The following UNC13C variants were observed in gnomAD, a reference collection of about 807,000 sequenced individuals.
UNC13C encodes protein unc-13 homolog C.
Under a neutral mutation model 245.4 loss-of-function variants are expected in UNC13C, and 174 were observed. The ratio of observed to expected loss-of-function variants is 0.71; its 90% CI spans 0.63 to 0.80. The LOEUF is 0.80. Among genes scored for constraint, UNC13C ranks in the 30% least tolerant of loss-of-function variants. The probability of loss-of-function intolerance (pLI) is 0.00; values close to 1 mark genes in which losing one functional copy is unlikely to be tolerated. For missense variants in UNC13C, 2,829 were observed against 2,602.9 expected, an observed-to-expected ratio of 1.09 and a Z score of -1.89; for synonymous variants, 992 against 895.1, an observed-to-expected ratio of 1.11 and a Z score of -1.93.
chr15:54,481,973 G>T (rs1013019129), intron 19 of UNC13C, among the ~76,000 whole-genome samples: 31 of 152,192 alleles, frequency 2.0e-4, no homozygotes, highest in Non-Finnish European at 4.4e-4. Context: ...CAGGTGTGTG[G>T]CAGCATTGCT....
chr15:54,574,547 C>G (rs79057973), intron 30 of UNC13C, among the ~76,000 whole-genome samples: 5,754 of 152,230 alleles, frequency 0.038, 379 homozygotes, highest in African/African-American at 0.13. Context: ...TGAAACAAGG[C>G]ACAGGATGAT....
In UNC13C at chr15:54,540,557, T is replaced by C. The variant is rs578236177; in HGVS notation, c.5697-6165T>C. 5.9e-5 allele frequency among the ~76,000 whole-genome samples: 9 copies of C among 152,186 alleles called. No individual in the cohort carries two copies. In the South Asian group the frequency reaches 8.3e-4, roughly 14 times the overall value. On this transcript the variant is annotated intron_variant, in intron 26 of 32. Transcript: ENST00000260323. ...ATTTTCTATTATTTAAAATAAACAA[T>C]AGAGGTTTGAAAGTCTTCAAGGTGG...
the UNC13C span, among the ~76,000 whole-genome samples, chr15:53,930,110 A>G: frequency 2.6e-5 from 4 of 152,118 alleles, no homozygotes; most frequent in African/African-American, 9.6e-5. Context: ...GGCCTTTCTC[A>G]CATGTCTGGG....
chr15:53,916,497 A>G, the UNC13C span, among the ~76,000 whole-genome samples: 1 of 152,204 alleles, frequency 6.6e-6, no homozygotes, highest in Non-Finnish European at 1.5e-5. Context: ...AACCAGAGAG[A>G]GAATGGGAAA....
chr15:54,455,296 T>TTG (rs1891455210), intron 19 of UNC13C, among the ~76,000 whole-genome samples: 2 of 146,382 alleles, frequency 1.4e-5, no homozygotes, highest in South Asian at 4.4e-4. Context: ...ATTTTTGCAA[T>TTG]CGCAAATTGT....
intron 18 of UNC13C, among the ~76,000 whole-genome samples, chr15:54,408,284 T>A (rs1482457047): frequency 6.6e-6 from 1 of 151,042 alleles, no homozygotes; most frequent in African/African-American, 2.4e-5. Context: ...TCATTTCATG[T>A]TCTAGTACAC....
chr15:54,424,269 A>G (rs1332012427), intron 19 of UNC13C, among the ~76,000 whole-genome samples: 1 of 151,904 alleles, frequency 6.6e-6, no homozygotes, highest in Non-Finnish European at 1.5e-5. Flanking sequence ...CTTTGTTTGG[A>G]GACTGCTGAT....
At chr15:54,250,749 C>CTTTCTTTCTTTCTTTCTTTCTTTCTTT (rs1475632016) in intron 8 of UNC13C, among the ~76,000 whole-genome samples, 1 of 88,870 alleles carries the variant, frequency 1.1e-5, no homozygotes, top group Non-Finnish European at 2.2e-5. Context: ...TTCTTTCTTT[C>CTTTCTTTCTTTCTTTCTTTCTTTCTTT]TTTTTTTTTT....
rs138788337 is a variant in UNC13C, at chr15:54,607,928, A to T, written c.6107-14399A>T. Among the ~76,000 whole-genome samples, 9 of 152,322 alleles carry T rather than the reference A, an allele frequency of 5.9e-5. No homozygotes were observed. The East Asian group carries it at 1.7e-3, about 29-fold the overall frequency. On this transcript the variant is annotated intron_variant, in intron 30 of 32. Coordinates refer to ENST00000260323, the MANE Select transcript of UNC13C (RefSeq NM_001080534.3). ...TTGGGTGGGGACACAGAACCAAACC[A>T]TATCAGACAAACAGTAGTTTTTATT...
intron 30 of UNC13C, among the ~76,000 whole-genome samples, chr15:54,584,261 A>G (rs1898364716): frequency 6.6e-6 from 1 of 152,230 alleles, no homozygotes; most frequent in Admixed American, 6.5e-5. Flanking sequence ...TTATACTGTA[A>G]AATGTGTTTA....
At chr15:53,869,370 T>C in the UNC13C span, among the ~76,000 whole-genome samples, 5 of 152,316 alleles carry the variant, frequency 3.3e-5, no homozygotes, top group East Asian at 7.7e-4. Flanking sequence ...TTTCTTTTGA[T>C]GATGTTTCAT....
chr15:54,226,511 C>T (rs1317269347), intron 4 of UNC13C, among the ~76,000 whole-genome samples: 1 of 152,168 alleles, frequency 6.6e-6, no homozygotes, highest in East Asian at 1.9e-4. Flanking sequence ...GCCACCAGGA[C>T]CTTCTGCTTG....
intron 24 of UNC13C, among the ~76,000 whole-genome samples, chr15:54,515,052 G>T (rs1339943238): frequency 6.6e-6 from 1 of 151,998 alleles, no homozygotes; most frequent in East Asian, 1.9e-4. Flanking sequence ...GCATGTTTTG[G>T]CATAACATCT....
intron 4 of UNC13C, among the ~76,000 whole-genome samples, chr15:54,219,202 T>C (rs1231030112): frequency 1.3e-5 from 2 of 151,872 alleles, no homozygotes; most frequent in Non-Finnish European, 2.9e-5. Flanking sequence ...CAAACTATAC[T>C]ACAAGGCTAC....
chr15:54,611,873 G>A (rs1900119765), intron 30 of UNC13C, among the ~76,000 whole-genome samples: 1 of 152,000 alleles, frequency 6.6e-6, no homozygotes, highest in African/African-American at 2.4e-5. Flanking sequence ...TATTTTAAAT[G>A]CTTCATCAGG....
chr15:54,234,294 CT>C (rs1371833490), intron 4 of UNC13C, among the ~76,000 whole-genome samples: 6 of 151,532 alleles, frequency 4.0e-5, no homozygotes, highest in Non-Finnish European at 7.4e-5. Flanking sequence ...CGCAAACTTG[CT>C]TTTTTTCACT....
At chr15:54,261,779 G>A (rs1406619267) in intron 8 of UNC13C, among the ~76,000 whole-genome samples, 1 of 152,154 alleles carries the variant, frequency 6.6e-6, no homozygotes, top group African/African-American at 2.4e-5. Flanking sequence ...TCCTGACCTT[G>A]TGATCTGCTG....
intron 19 of UNC13C, among the ~76,000 whole-genome samples, chr15:54,474,330 A>C (rs1324651095): frequency 6.6e-6 from 1 of 151,932 alleles, no homozygotes; most frequent in Non-Finnish European, 1.5e-5. Context: ...CGTCCTCACC[A>C]GCATCTGCTA....
chr15:54,295,484 C>A (rs778645217), intron 11 of UNC13C, among the ~76,000 whole-genome samples: 1 of 151,780 alleles, frequency 6.6e-6, no homozygotes. Context: ...CCCATCTCTA[C>A]CAAAAATTTA....
Sources: allele counts gnomAD v4.1 joint callset (sites outside exome capture counted in the v4.1 genomes callset), GRCh38; gene constraint gnomAD v4.1.1; transcripts MANE v1.5; gene names NCBI Gene and HGNC (gene_info 2026-07-23, HGNC 2026-07-21).